TGS1: variants seen among roughly 807,000 people sequenced by gnomAD.
TGS1 encodes the protein trimethylguanosine synthase 1.
Under a neutral mutation model 92.2 loss-of-function variants are expected in TGS1, and 69 were observed. The ratio of observed to expected loss-of-function variants is 0.75; its 90% CI spans 0.62 to 0.91. The LOEUF (loss-of-function observed/expected upper bound fraction) is 0.91. Ranked by LOEUF, TGS1 falls within the 40% of genes least tolerant of loss-of-function variation. TGS1 has a pLI of 0.00. For missense variants in TGS1, 1,062 were observed against 1,001.2 expected, an observed-to-expected ratio of 1.06 and a Z score of -0.82; for synonymous variants, 345 against 338.1, an observed-to-expected ratio of 1.02 and a Z score of -0.22.
At chr8:55,822,348 G>T (rs1010310414) in intron 12 of TGS1, among the ~76,000 whole-genome samples, 1 of 152,184 alleles carries the variant, frequency 6.6e-6, no homozygotes, top group African/African-American at 2.4e-5. Context: ...GGGATTACAG[G>T]CATGAGCCAC....
intron 12 of TGS1, among the ~76,000 whole-genome samples, chr8:55,821,895 A>C (rs1803649793): frequency 6.6e-6 from 1 of 151,228 alleles, no homozygotes; most frequent in Non-Finnish European, 1.5e-5. Flanking sequence ...AATAATAATA[A>C]CTATATTTAT....
At chr8:55,784,482 T>G (rs192060199) in intron 2 of TGS1, among the ~76,000 whole-genome samples, 388 of 152,222 alleles carry the variant, frequency 2.5e-3, no homozygotes, top group Non-Finnish European at 4.7e-3. Flanking sequence ...CAGGGTAGTT[T>G]GTTTTTTGGT....
intron 12 of TGS1, among the ~76,000 whole-genome samples, chr8:55,814,079 C>G (rs1339640381): frequency 1.3e-5 from 2 of 152,134 alleles, no homozygotes; most frequent in Non-Finnish European, 2.9e-5. Context: ...TGCTGAGTAG[C>G]TGGGACCACA....
intron 6 of TGS1, among the ~76,000 whole-genome samples, chr8:55,794,526 A>T (rs1811987338): frequency 6.6e-6 from 1 of 152,202 alleles, no homozygotes; most frequent in African/African-American, 2.4e-5. Context: ...CACTTTGGGA[A>T]GCTGAGGTAA....
At chr8:55,775,797 A>AAGGGTG (rs1811379058) in intron 1 of TGS1, among the ~76,000 whole-genome samples, 1 of 151,848 alleles carries the variant, frequency 6.6e-6, no homozygotes, top group African/African-American at 2.4e-5. Context: ...CCCATGAATG[A>AAGGGTG]AGGGTGGGGG....
intron 6 of TGS1, among the ~76,000 whole-genome samples, chr8:55,795,485 G>A (rs1364699788): frequency 6.6e-6 from 1 of 152,120 alleles, no homozygotes; most frequent in African/African-American, 2.4e-5. Flanking sequence ...TTTTAGGACT[G>A]GAAAATTTCA....
chr8:55,785,889 G>A lies in TGS1; in HGVS notation c.337G>A (p.Glu113Lys). 1.3e-6 allele frequency: 2 copies of A among 1,586,946 alleles called. No individual in the cohort carries two copies. Among genetic ancestry groups the A allele is most frequent in the Non-Finnish European group, 8.6e-7 (1 of 1,169,460 alleles). ...TAGGATAACTGCACATAAGGATTTT[G>A]AGGTAAATATTAATTTACTTTTATT... The part of the protein sequence containing the change: ...FGRITAHKDF[E>K]VSMNTRNKVK... Residue 113 changes from glutamate to lysine, a missense_variant and splice_region_variant, in exon 3 of 13, where the codon GAG becomes AAG. Coordinates refer to ENST00000260129, the MANE Select transcript of TGS1 (RefSeq NM_024831.8).
At chr8:55,797,212 A>G in intron 7 of TGS1, among the ~76,000 whole-genome samples, 1 of 152,192 alleles carries the variant, frequency 6.6e-6, no homozygotes, top group South Asian at 2.1e-4. Flanking sequence ...GGAAGCAAAC[A>G]ACTCCTTCTT....
At chr8:55,800,895 A>T (rs546789297) in intron 8 of TGS1, among the ~76,000 whole-genome samples, 1 of 152,264 alleles carries the variant, frequency 6.6e-6, no homozygotes, top group Admixed American at 6.5e-5. Context: ...TCTTGTTTTT[A>T]TACTTAACTG....
chr8:55,812,406 T>C (rs1047275394), intron 11 of TGS1, among the ~76,000 whole-genome samples: 4 of 146,904 alleles, frequency 2.7e-5, no homozygotes, highest in Non-Finnish European at 5.9e-5. Flanking sequence ...TGGGCACCTG[T>C]AATCTCAGCT....
Position 55,787,041 on chromosome 8 carries a change from C to T in TGS1, c.1143C>T (p.Asn381=), listed in dbSNP as rs776765729. Residue 381 remains asparagine, a synonymous_variant, in exon 4 of 13, where the codon AAC becomes AAT. Transcript: ENST00000260129. ...AAAGCAACTCATCGGGGAATACAAA[C>T]ACAGACCCACCAGCTGAGGGTAAGA... ...NEESNSSGNT[N]TDPPAEDSQK... 6.2e-7 allele frequency: 1 copy of T among 1,611,654 alleles called. No individual in the cohort carries two copies. The highest frequency in any genetic ancestry group is 1.1e-5 in the South Asian group (1 of 90,604).
chr8:55,809,736 G>C (rs2130221549), intron 10 of TGS1, among the ~76,000 whole-genome samples: 1 of 152,150 alleles, frequency 6.6e-6, no homozygotes, highest in East Asian at 1.9e-4. Flanking sequence ...TGCCCAGCCA[G>C]CATTTCTTTT....
At position 55,804,777 on chromosome 8, in the gene TGS1, A is replaced by T. The variant is rs1585780773; in HGVS notation, c.2000-116A>T. ...AAAACTGGGTGATTTATAATTTTTT[A>T]AAAAGGGAAACTAAGCTTTTTAAAA... On this transcript the variant is annotated intron_variant, in intron 9 of 12. Coordinates refer to ENST00000260129, the MANE Select transcript of TGS1 (RefSeq NM_024831.8). 4.2e-6 allele frequency: 3 copies of T among 709,230 alleles called. No individual in the cohort carries two copies. The highest frequency in any genetic ancestry group is 6.1e-6 in the Non-Finnish European group (3 of 493,224). 43.9% of individuals were successfully genotyped at this position (709,230 alleles called of 1,614,324 possible).
intron 1 of TGS1, among the ~76,000 whole-genome samples, chr8:55,775,080 T>C (rs1811349468): frequency 6.6e-6 from 1 of 151,980 alleles, no homozygotes; most frequent in Non-Finnish European, 1.5e-5. Context: ...CAACACCTCA[T>C]CTGTACTGAA....
At position 55,824,852 on chromosome 8, in the gene TGS1, T is replaced by G. The variant is rs1803749030; in HGVS notation, c.*149T>G. 1 of 775,980 alleles carries G rather than the reference T, an allele frequency of 1.3e-6. No homozygotes were observed. Among genetic ancestry groups the G allele is most frequent in the Non-Finnish European group, 2.0e-6 (1 of 495,966 alleles). 48.1% of individuals were successfully genotyped at this position (775,980 alleles called of 1,614,324 possible). On this transcript the variant is annotated 3_prime_UTR_variant, in exon 13 of 13. Coordinates refer to ENST00000260129, the MANE Select transcript of TGS1 (RefSeq NM_024831.8). ...GAAACTTACAGGACTTAAATATCAG[T>G]GAAATATTTTGAGATCTTTGAATAA...
At chr8:55,797,575 A>G (rs1812095723) in intron 7 of TGS1, among the ~76,000 whole-genome samples, 1 of 152,240 alleles carries the variant, frequency 6.6e-6, no homozygotes, top group African/African-American at 2.4e-5. Context: ...ACACAGGCCA[A>G]TTTATTGATT....
chr8:55,776,768 A>G (rs117134903), intron 1 of TGS1, among the ~76,000 whole-genome samples: 2,644 of 152,270 alleles, frequency 0.017, 42 homozygotes, highest in South Asian at 0.033. Flanking sequence ...ATGACTTATT[A>G]AGTGCCACCA....
chr8:55,807,687 C>T (rs1375031094), intron 10 of TGS1, among the ~76,000 whole-genome samples: 1 of 151,860 alleles, frequency 6.6e-6, no homozygotes, highest in Non-Finnish European at 1.5e-5. Context: ...GCCAGTATGC[C>T]CTGCTAATTT....
chr8:55,794,617 A>C (rs1811989740), intron 6 of TGS1, among the ~76,000 whole-genome samples: 1 of 152,246 alleles, frequency 6.6e-6, no homozygotes, highest in African/African-American at 2.4e-5. Flanking sequence ...ATGAAATTTC[A>C]AAAGTAAACA....
Sources: allele counts gnomAD v4.1 joint callset (sites outside exome capture counted in the v4.1 genomes callset), GRCh38; gene constraint gnomAD v4.1.1; transcripts MANE v1.5; gene names NCBI Gene and HGNC (gene_info 2026-07-23, HGNC 2026-07-21).